The following NPFFR2 variants were observed in gnomAD, a reference collection of about 807,000 sequenced individuals.
NPFFR2 encodes G-protein coupled receptor 74.
In NPFFR2, 15 loss-of-function variants were observed where a neutral mutation model predicts 13.1. That is an observed-to-expected ratio of 1.15 (90% CI 0.77 to 1.76). The LOEUF is 1.76. Among genes scored for constraint, NPFFR2 ranks in the 40% most tolerant of loss-of-function variants. The pLI is 0.00. For missense variants in NPFFR2, 572 were observed against 503.5 expected, an observed-to-expected ratio of 1.14 and a Z score of -1.30; for synonymous variants, 190 against 175.7, an observed-to-expected ratio of 1.08 and a Z score of -0.65.
At chr4:72,103,562 G>T (rs532987214) in intron 1 of NPFFR2, among the ~76,000 whole-genome samples, 122 of 152,086 alleles carry the variant, frequency 8.0e-4, no homozygotes, top group Middle Eastern at 6.8e-3. Context: ...AAGGCCCATT[G>T]TCCTTGACTA....
chr4:72,100,583 GTTTC>G (rs1449347766), intron 1 of NPFFR2, among the ~76,000 whole-genome samples: 2 of 151,966 alleles, frequency 1.3e-5, no homozygotes, highest in Non-Finnish European at 2.9e-5. Flanking sequence ...ACTATTATCA[GTTTC>G]TTTCTAAAGT....
chr4:72,143,215 G>T (rs953616953), intron 3 of NPFFR2, among the ~76,000 whole-genome samples: 6 of 152,196 alleles, frequency 3.9e-5, no homozygotes, highest in Non-Finnish European at 7.3e-5. Context: ...TCCACAAAGA[G>T]AGAGATTTAT....
At chr4:72,124,557 G>T (rs1304090193) in intron 1 of NPFFR2, among the ~76,000 whole-genome samples, 1 of 152,070 alleles carries the variant, frequency 6.6e-6, no homozygotes, top group East Asian at 1.9e-4. Flanking sequence ...AAACAGCATG[G>T]TACCAGTACC....
intron 1 of NPFFR2, among the ~76,000 whole-genome samples, chr4:72,111,657 C>T (rs910788600): frequency 6.6e-6 from 1 of 151,928 alleles, no homozygotes; most frequent in Non-Finnish European, 1.5e-5. Flanking sequence ...ATAGGAAATT[C>T]CAAAAGTCAC....
At chr4:72,075,762 T>G (rs1720407355) in intron 1 of NPFFR2, among the ~76,000 whole-genome samples, 2 of 152,148 alleles carry the variant, frequency 1.3e-5, no homozygotes, top group South Asian at 4.1e-4. Context: ...TGCCACAGGC[T>G]GGGAGGAGAA....
At chr4:72,109,772 A>G (rs559615777) in intron 1 of NPFFR2, among the ~76,000 whole-genome samples, 2 of 152,122 alleles carry the variant, frequency 1.3e-5, no homozygotes, top group Admixed American at 1.3e-4. Flanking sequence ...GCCATTGGCT[A>G]TAAGTGAAAA....
intron 1 of NPFFR2, among the ~76,000 whole-genome samples, chr4:72,121,398 G>A (rs1168815554): frequency 6.6e-6 from 1 of 152,072 alleles, no homozygotes; most frequent in Admixed American, 6.5e-5. Context: ...GAAATACAGA[G>A]AACACCACAA....
At chr4:72,039,501 T>A in intron 1 of NPFFR2, 2 of 523,500 alleles carry the variant, frequency 3.8e-6, no homozygotes, top group Non-Finnish European at 4.9e-6. Flanking sequence ...ATCAATCTTT[T>A]TGTCATCATT....
At chr4:72,088,499 A>G (rs1720828530) in intron 1 of NPFFR2, among the ~76,000 whole-genome samples, 1 of 152,144 alleles carries the variant, frequency 6.6e-6, no homozygotes, top group Non-Finnish European at 1.5e-5. Context: ...ATGAAGGCAT[A>G]CATACTTCTA....
intron 1 of NPFFR2, among the ~76,000 whole-genome samples, chr4:72,086,196 T>C (rs749802069): frequency 5.7e-4 from 87 of 152,150 alleles, no homozygotes; most frequent in Non-Finnish European, 7.8e-4. Flanking sequence ...TTGCTTTATA[T>C]TGAAGGTTGA....
At chr4:72,052,452 A>T (rs1719614474) in intron 1 of NPFFR2, among the ~76,000 whole-genome samples, 1 of 151,222 alleles carries the variant, frequency 6.6e-6, no homozygotes, top group Non-Finnish European at 1.5e-5. Flanking sequence ...ACAACCCTTC[A>T]TGCTAAAAAC....
intron 1 of NPFFR2, among the ~76,000 whole-genome samples, chr4:72,096,850 C>G (rs1231141319): frequency 2.6e-5 from 4 of 151,962 alleles, no homozygotes; most frequent in Admixed American, 2.6e-4. Context: ...ATTTAATACC[C>G]TGATAAGCTC....
In NPFFR2 at chr4:72,127,355, C is replaced by CTTTTTT. The variant is rs1341571145; in HGVS notation, c.-7-1226_-7-1225insTTTTTT. On this transcript the variant is annotated intron_variant, in intron 1 of 3. Coordinates refer to ENST00000308744, the MANE Select transcript of NPFFR2 (RefSeq NM_004885.3). ...AAGTCATACAGATTCTAAATAATTT[C>CTTTTTT]TTTTCTTTTTTTTTTTTTTTTTTTT... 1.0e-3 allele frequency among the ~76,000 whole-genome samples: 92 copies of CTTTTTT among 91,182 alleles called. 4 individuals are homozygous for CTTTTTT. Among genetic ancestry groups the CTTTTTT allele is most frequent in the African/African-American group, 3.9e-3 (84 of 21,692 alleles). 59.8% of individuals were successfully genotyped at this position (91,182 alleles called of 152,430 possible).
chr4:72,147,358 A>C lies in NPFFR2; in HGVS notation c.809A>C (p.Gln270Pro). The C allele has an allele frequency of 5.0e-6, 8 of 1,614,208 alleles. No homozygotes were observed. Among genetic ancestry groups the C allele is most frequent in the Non-Finnish European group, 6.8e-6 (8 of 1,180,038 alleles). Residue 270 changes from glutamine (Q) to proline (P), a missense_variant, in exon 4 of 4, where the codon CAG becomes CCG. Transcript: ENST00000308744. ...TGGCACGTGGTGTCCAGGAAGAAGC[A>C]GAAGATCATTAAGATGCTCCTGATT... is the stretch of plus-strand genomic sequence containing the variant. The part of the protein sequence containing the change: ...EQWHVVSRKK[Q>P]KIIKMLLIVA...
chr4:72,119,037 T>C (rs1230375029), intron 1 of NPFFR2, among the ~76,000 whole-genome samples: 2 of 144,316 alleles, frequency 1.4e-5, no homozygotes, highest in African/African-American at 2.5e-5. Flanking sequence ...TGAACAGGAT[T>C]TGTTTTCCTT....
At chr4:72,043,472 G>T (rs7676638) in intron 1 of NPFFR2, among the ~76,000 whole-genome samples, 10 of 152,334 alleles carry the variant, frequency 6.6e-5, no homozygotes, top group South Asian at 6.2e-4. Context: ...TCAGTAAGGG[G>T]GCTGTGCCCT....
At chr4:72,129,980 A>G (rs1430206252) in intron 2 of NPFFR2, among the ~76,000 whole-genome samples, 1 of 132,938 alleles carries the variant, frequency 7.5e-6, no homozygotes, top group East Asian at 2.2e-4. Flanking sequence ...CATCTGTTTA[A>G]CAAAGCACAT....
rs1331294020 is a variant in NPFFR2 at position 72,148,249 on chromosome 4, T to C, written c.*437T>C. On this transcript the variant is annotated 3_prime_UTR_variant, in exon 4 of 4. Coordinates refer to ENST00000308744, the MANE Select transcript of NPFFR2 (RefSeq NM_004885.3). ...ATTTTAGATTACAAGACTATTACTC[T>C]GCTTATGTTTATAAACTGTACTTGG... Among the ~76,000 whole-genome samples, 1 of 152,250 alleles carries C rather than the reference T, an allele frequency of 6.6e-6. No individual in the cohort carries two copies. The highest frequency in any genetic ancestry group is 1.5e-5 in the Non-Finnish European group (1 of 68,042).
At chr4:72,140,813 A>T (rs532689100) in intron 3 of NPFFR2, among the ~76,000 whole-genome samples, 23 of 152,178 alleles carry the variant, frequency 1.5e-4, no homozygotes, top group African/African-American at 4.8e-4. Flanking sequence ...TTTTCTATTG[A>T]TTGGAATAGT....
Sources: gnomAD v4.1 joint callset for allele counts (sites outside exome capture counted in the v4.1 genomes callset) on GRCh38, gnomAD v4.1.1 for gene constraint, MANE v1.5 for transcripts, NCBI Gene and HGNC (gene_info 2026-07-23, HGNC 2026-07-21) for gene names.